DIAPH2: variants seen among roughly 807,000 people sequenced by gnomAD.
The protein encoded by DIAPH2 is diaphanous related formin 2, also known as protein diaphanous homolog 2.
Under a neutral mutation model 92.7 loss-of-function variants are expected in DIAPH2, and 35 were observed. The observed-to-expected ratio is 0.38, with a 90% CI of 0.29 to 0.50. The LOEUF is 0.50. Among genes scored for constraint, DIAPH2 ranks in the 20% least tolerant of loss-of-function variants. DIAPH2 has a pLI of 0.94. For missense variants in DIAPH2, 701 were observed against 819.5 expected, an observed-to-expected ratio of 0.86 and a Z score of 1.77; for synonymous variants, 301 against 280.4, an observed-to-expected ratio of 1.07 and a Z score of -0.73.
intron 4 of DIAPH2, among the ~76,000 whole-genome samples, chrX:96,794,748 C>T (rs1023409238): frequency 8.9e-6 from 1 of 111,872 alleles, no homozygotes; most frequent in Admixed American, 9.5e-5. Flanking sequence ...CTAACATAAA[C>T]TCGGTTGCTT....
intron 4 of DIAPH2, among the ~76,000 whole-genome samples, chrX:96,822,609 T>C (rs2064785801): frequency 9.0e-6 from 1 of 111,711 alleles, no homozygotes; most frequent in East Asian, 2.8e-4. Context: ...CAGAATAAGC[T>C]TCAGAACAAT....
chrX:97,219,874 C>T (rs1275780760), intron 22 of DIAPH2, among the ~76,000 whole-genome samples: 1 of 111,800 alleles, frequency 8.9e-6, no homozygotes, highest in African/African-American at 3.2e-5. Context: ...TTAGATTTAG[C>T]GTCTGCAAAA....
At chrX:97,221,473 G>C (rs933734171) in intron 22 of DIAPH2, among the ~76,000 whole-genome samples, 3 of 111,521 alleles carry the variant, frequency 2.7e-5, no homozygotes, top group African/African-American at 9.8e-5. Context: ...TATAAAACAC[G>C]TGTATGTATA....
chrX:97,290,298 T>C (rs1019543670), intron 23 of DIAPH2, among the ~76,000 whole-genome samples: 4 of 110,668 alleles, frequency 3.6e-5, no homozygotes, highest in African/African-American at 1.3e-4. Flanking sequence ...CAAAGGAGAT[T>C]GAAAGAGCAT....
intron 4 of DIAPH2, among the ~76,000 whole-genome samples, chrX:96,804,616 A>G (rs1233681028): frequency 1.8e-5 from 2 of 111,685 alleles, no homozygotes; most frequent in Non-Finnish European, 3.8e-5. Context: ...AACACCAATC[A>G]TTTTACAGTG....
chrX:96,768,961 A>G (rs1397864785), intron 4 of DIAPH2, among the ~76,000 whole-genome samples: 3 of 111,712 alleles, frequency 2.7e-5, no homozygotes, highest in Non-Finnish European at 5.6e-5. Flanking sequence ...TGGAACGACA[A>G]AATCCAAGGT....
rs1335356067 is a variant in DIAPH2 at position 96,957,941 on chromosome X, T to C, written c.1728T>C (p.Pro576=). 1 of 1,210,095 alleles carries C rather than the reference T, an allele frequency of 8.3e-7. No individual in the cohort carries two copies. Among genetic ancestry groups the C allele is most frequent in the South Asian group, 1.8e-5 (1 of 56,798 alleles). The change falls in exon 16 of 27, where the codon CCT becomes CCC. Residue 576 remains proline (P), a synonymous_variant. Coordinates refer to ENST00000324765, the MANE Select transcript of DIAPH2 (RefSeq NM_006729.5). ...CGCCACCTCTACCCGGAGGAGCTCCTCTTCCTCCTCCACCACCTCCTTTAC... is the reference window on the plus strand; with the variant it reads ...CGCCACCTCTACCCGGAGGAGCTCCCCTTCCTCCTCCACCACCTCCTTTAC... The part of the protein sequence containing the change: ...PPAPPLPGGA[P]LPPPPPPLPG...
At chrX:97,133,187 C>T (rs1245456042) in intron 21 of DIAPH2, among the ~76,000 whole-genome samples, 1 of 112,706 alleles carries the variant, frequency 8.9e-6, no homozygotes, top group East Asian at 2.8e-4. Flanking sequence ...TGTCTCAGAG[C>T]AGTTTACACT....
chrX:97,190,598 C>T, intron 22 of DIAPH2, among the ~76,000 whole-genome samples: 1 of 111,068 alleles, frequency 9.0e-6, no homozygotes, highest in Non-Finnish European at 1.9e-5. Context: ...CCTGTAATCC[C>T]GGCACTTTGG....
At chrX:96,988,761 A>G (rs138458637) in intron 17 of DIAPH2, among the ~76,000 whole-genome samples, 2 of 111,339 alleles carry the variant, frequency 1.8e-5, no homozygotes, top group African/African-American at 3.3e-5. Context: ...TGTAGAGACA[A>G]TCTTTACTTT....
At chrX:97,100,480 T>A (rs959952944) in intron 20 of DIAPH2, among the ~76,000 whole-genome samples, 18 of 111,790 alleles carry the variant, frequency 1.6e-4, no homozygotes, top group African/African-American at 5.8e-4. Context: ...AAACTGACTA[T>A]TCAAATAGTT....
intron 25 of DIAPH2, among the ~76,000 whole-genome samples, chrX:97,414,583 G>A (rs1459937779): frequency 9.4e-6 from 1 of 106,009 alleles, no homozygotes; most frequent in African/African-American, 3.5e-5. Flanking sequence ...CCAGGAGGCA[G>A]AGCTTCTTGC....
At chrX:97,159,281 A>T (rs1302401746) in intron 22 of DIAPH2, among the ~76,000 whole-genome samples, 1 of 112,105 alleles carries the variant, frequency 8.9e-6, no homozygotes, top group Admixed American at 9.5e-5. Flanking sequence ...GTGGTTAAAT[A>T]TGTAGTAAAC....
Position 97,177,038 on chromosome X carries a change from G to A in DIAPH2, c.2719+35244G>A, listed in dbSNP as rs1198012061. 3.6e-5 allele frequency among the ~76,000 whole-genome samples: 4 copies of A among 111,278 alleles called. No homozygotes were observed. In the Admixed American group the frequency reaches 3.8e-4, roughly 11 times the overall value. On this transcript the variant is annotated intron_variant, in intron 22 of 26. Transcript: ENST00000324765. ...TTAGGGAATAATGACAAGAAAAATA[G>A]CCTGTACATGTTCAGTACAGACACA...
At chrX:97,202,471 T>TGGAA (rs1282205508) in intron 22 of DIAPH2, among the ~76,000 whole-genome samples, 35 of 111,570 alleles carry the variant, frequency 3.1e-4, no homozygotes, top group Middle Eastern at 9.4e-3. Flanking sequence ...GAGGAGTATT[T>TGGAA]ACCAAGTAAA....
intron 21 of DIAPH2, among the ~76,000 whole-genome samples, chrX:97,115,760 A>G (rs1463291438): frequency 2.7e-5 from 3 of 111,753 alleles, no homozygotes; most frequent in African/African-American, 9.7e-5. Flanking sequence ...GTAAAAAAGA[A>G]AATTGAATAA....
intron 3 of DIAPH2, among the ~76,000 whole-genome samples, chrX:96,751,607 T>A (rs2064189166): frequency 1.0e-5 from 1 of 99,237 alleles, no homozygotes; most frequent in South Asian, 4.9e-4. Context: ...AAAGAAAAAA[T>A]AATAAAAATA....
At chrX:96,925,748 G>A (rs2065576532) in intron 9 of DIAPH2, among the ~76,000 whole-genome samples, 1 of 111,615 alleles carries the variant, frequency 9.0e-6, no homozygotes, top group African/African-American at 3.3e-5. Context: ...ACTTCATCTG[G>A]CTGTTGCTTT....
chrX:97,076,893 A>G (rs2147915103), intron 19 of DIAPH2, among the ~76,000 whole-genome samples: 1 of 110,593 alleles, frequency 9.0e-6, no homozygotes, highest in Non-Finnish European at 1.9e-5. Context: ...TGCTTTACCC[A>G]CCAATTTTGT....
Sources: allele counts gnomAD v4.1 joint callset (sites outside exome capture counted in the v4.1 genomes callset), GRCh38; gene constraint gnomAD v4.1.1; transcripts MANE v1.5; gene names NCBI Gene and HGNC (gene_info 2026-07-23, HGNC 2026-07-21).